The following EPHA6 variants were observed in gnomAD, a reference collection of about 807,000 sequenced individuals.
The protein encoded by EPHA6 is EPH receptor A6.
In EPHA6, 50 loss-of-function variants were observed where a neutral mutation model predicts 112.0. The observed-to-expected ratio is 0.45, with a 90% CI of 0.36 to 0.56. The LOEUF (loss-of-function observed/expected upper bound fraction) is 0.56, where lower values mean the gene tolerates loss of function less well. EPHA6 is among the 20% of genes least tolerant of loss of function. The pLI, the probability that EPHA6 is intolerant of heterozygous loss-of-function variation, is 0.00. For synonymous variants in EPHA6, 529 were observed against 490.7 expected (o/e 1.08, Z -1.03); for missense variants, 1,280 against 1,417.4 (o/e 0.90, Z 1.56).
chr3:97,204,043 T>C (rs1240247924), intron 3 of EPHA6, among the ~76,000 whole-genome samples: 3 of 152,100 alleles, frequency 2.0e-5, no homozygotes, highest in Non-Finnish European at 2.9e-5. Flanking sequence ...AAAGGTTGTA[T>C]AATTATGTGT....
chr3:97,120,821 G>A (rs2048020701), intron 3 of EPHA6, among the ~76,000 whole-genome samples: 1 of 151,692 alleles, frequency 6.6e-6, no homozygotes, highest in African/African-American at 2.4e-5. Context: ...TGGCATTCAT[G>A]CTATATTAAA....
intron 3 of EPHA6, among the ~76,000 whole-genome samples, chr3:97,170,222 T>C (rs1246985871): frequency 1.3e-5 from 2 of 152,090 alleles, no homozygotes; most frequent in Non-Finnish European, 2.9e-5. Flanking sequence ...ACTTAAATTT[T>C]AGGTTTTATG....
At chr3:97,166,077 A>G (rs753524562) in intron 3 of EPHA6, among the ~76,000 whole-genome samples, 4 of 152,092 alleles carry the variant, frequency 2.6e-5, no homozygotes, top group Non-Finnish European at 4.4e-5. Context: ...GTTTTTTAAT[A>G]TTGAATTTGG....
rs780244403 is a variant in EPHA6, at chr3:97,492,547, C to CAAAAAAAAA, written c.2200+8527_2200+8535dup. ...ACAGAGCGAGAGTGAGACTCAGTCT[C>CAAAAAAAAA]AAAAAAAAAAAAAAAAAAAAAAAAA... On this transcript the variant is annotated intron_variant, in intron 10 of 17. Coordinates refer to ENST00000389672, the MANE Select transcript of EPHA6 (RefSeq NM_001080448.3). Among the ~76,000 whole-genome samples, 25 of 28,942 alleles carry CAAAAAAAAA rather than the reference C, an allele frequency of 8.6e-4. 9 individuals carry two copies. Among genetic ancestry groups the CAAAAAAAAA allele is most frequent in the East Asian group, 7.3e-3 (3 of 410 alleles). The allele number at this position is 28,942 out of a possible 152,430, so 19.0% of individuals were successfully genotyped here. A position where few individuals can be genotyped will look rare whatever the true frequency, so the allele number is the denominator to read the frequency against.
chr3:97,323,074 A>T (rs2108789202), intron 5 of EPHA6, among the ~76,000 whole-genome samples: 1 of 152,104 alleles, frequency 6.6e-6, no homozygotes, highest in South Asian at 2.1e-4. Flanking sequence ...AAATCTGTGT[A>T]TCTAAATTTG....
chr3:97,068,154 CAAAAAAAAAAGAAAA>C (rs993378890), intron 3 of EPHA6, among the ~76,000 whole-genome samples: 628 of 60,998 alleles, frequency 0.01, 8 homozygotes, highest in African/African-American at 0.062. Context: ...GACTCCATCT[CAAAAAAAAAAGAAAA>C]AAAAAAAAAA....
intron 10 of EPHA6, among the ~76,000 whole-genome samples, chr3:97,512,675 T>C (rs907548877): frequency 1.3e-5 from 2 of 152,184 alleles, no homozygotes; most frequent in Non-Finnish European, 2.9e-5. Context: ...GCGAGTCTCC[T>C]GTCTCAATCT....
chr3:96,950,919 T>G (rs545519587), intron 2 of EPHA6, among the ~76,000 whole-genome samples: 9 of 152,260 alleles, frequency 5.9e-5, no homozygotes, highest in African/African-American at 1.9e-4. Context: ...TAATCATAAT[T>G]TTCTTCTCAT....
chr3:97,000,612 T>C (rs1186709676), intron 3 of EPHA6, among the ~76,000 whole-genome samples: 4 of 151,670 alleles, frequency 2.6e-5, no homozygotes, highest in Admixed American at 6.6e-5. Flanking sequence ...GAGTAGAGCA[T>C]ATATGTATCC....
chr3:97,464,239 T>A (rs1178063637), intron 7 of EPHA6, among the ~76,000 whole-genome samples: 1 of 152,044 alleles, frequency 6.6e-6, no homozygotes, highest in Non-Finnish European at 1.5e-5. Context: ...GGTAATCCAA[T>A]GCATATGACT....
At chr3:97,717,506 A>G (rs1236722154) in intron 14 of EPHA6, among the ~76,000 whole-genome samples, 1 of 152,130 alleles carries the variant, frequency 6.6e-6, no homozygotes, top group Non-Finnish European at 1.5e-5. Context: ...TGGCTTACAG[A>G]TGGCTTCTTC....
chr3:97,596,061 G>A (rs575963772), intron 12 of EPHA6, among the ~76,000 whole-genome samples: 1 of 151,568 alleles, frequency 6.6e-6, no homozygotes, highest in South Asian at 2.1e-4. Flanking sequence ...GCCCGCCACC[G>A]CTCCCGGCTA....
chr3:97,384,937 C>T (rs2085973615), intron 5 of EPHA6, among the ~76,000 whole-genome samples: 1 of 152,134 alleles, frequency 6.6e-6, no homozygotes, highest in African/African-American at 2.4e-5. Flanking sequence ...AAAACTAGCT[C>T]TCCCAGGGTA....
chr3:97,602,222 C>T (rs546431050), intron 12 of EPHA6, among the ~76,000 whole-genome samples: 3 of 151,866 alleles, frequency 2.0e-5, no homozygotes, highest in Non-Finnish European at 2.9e-5. Flanking sequence ...TTTAATGGAA[C>T]CTTAAGATTA....
At chr3:97,246,240 T>C (rs914213454) in intron 5 of EPHA6, among the ~76,000 whole-genome samples, 3 of 151,970 alleles carry the variant, frequency 2.0e-5, no homozygotes, top group Non-Finnish European at 4.4e-5. Flanking sequence ...TACAATCTAG[T>C]ACAACGATTT....
chr3:96,890,686 T>C (rs2037902622), intron 2 of EPHA6, among the ~76,000 whole-genome samples: 1 of 152,246 alleles, frequency 6.6e-6, no homozygotes, highest in African/African-American at 2.4e-5. Flanking sequence ...ATGTCAATTT[T>C]CGAAGAGGAT....
chr3:96,980,089 C>T (rs548882836), intron 2 of EPHA6, among the ~76,000 whole-genome samples: 1,662 of 152,250 alleles, frequency 0.011, 25 homozygotes, highest in Non-Finnish European at 0.016. Context: ...GCTTTTGTGG[C>T]CATTGCTTTT....
chr3:97,208,878 G>A (rs1364611524), intron 3 of EPHA6, among the ~76,000 whole-genome samples: 1 of 152,064 alleles, frequency 6.6e-6, no homozygotes, highest in East Asian at 1.9e-4. Context: ...CACATATTAT[G>A]TGAAAACTTA....
At chr3:96,845,296 A>G (rs1323171637) in intron 1 of EPHA6, among the ~76,000 whole-genome samples, 2 of 152,060 alleles carry the variant, frequency 1.3e-5, no homozygotes, top group African/African-American at 4.8e-5. Flanking sequence ...GGAGCCTTAA[A>G]GGAGACTTAT....
Sources: allele counts gnomAD v4.1 joint callset (sites outside exome capture counted in the v4.1 genomes callset), GRCh38; gene constraint gnomAD v4.1.1; transcripts MANE v1.5; gene names NCBI Gene and HGNC (gene_info 2026-07-23, HGNC 2026-07-21).